The following RASL11B variants were observed in gnomAD, a reference collection of about 807,000 sequenced individuals.
RASL11B encodes the protein ras-like protein family member 11B.
A neutral mutation model predicts 22.9 loss-of-function variants in RASL11B; 14 were observed. The observed-to-expected ratio is 0.61, with a 90% confidence interval of 0.40 to 0.96. RASL11B has a LOEUF of 0.96. Among genes scored for constraint, RASL11B ranks in the 40% least tolerant of loss-of-function variants. The probability of loss-of-function intolerance (pLI) is 0.00; values close to 1 mark genes in which losing one functional copy is unlikely to be tolerated. For missense variants in RASL11B, 261 were observed against 322.0 expected (o/e 0.81, Z 1.45); for synonymous variants, 143 against 130.2 (o/e 1.10, Z -0.67).
Position 52,865,494 on chromosome 4 carries a change from C to T in RASL11B, c.436C>T (p.Pro146Ser). 1 of 1,614,238 alleles carries T rather than the reference C, an allele frequency of 6.2e-7. No individual in the cohort carries two copies. The highest frequency in any genetic ancestry group is 8.5e-7 in the Non-Finnish European group (1 of 1,180,046). Residue 146 changes from proline (P) to serine (S), a missense_variant, in exon 4 of 4, where the codon CCT (proline) becomes TCT (serine). Transcript: ENST00000248706. ...GCAGCTACACCTGGGCACCCGGCTG[C>T]CTGTGGTGGTCGTGGCCAACAAAGC... ...VQQLHLGTRL[P>S]VVVVANKADL... is the part of the protein sequence containing the mutation.
chr4:52,863,222 TA>T, intron 1 of RASL11B, 45 bp from the exon 2 acceptor site: 1 of 1,574,132 alleles, frequency 6.4e-7, no homozygotes, highest in Non-Finnish European at 8.7e-7. Context: ...GAGAACAATC[TA>T]ACTTCCAAGG....
At chr4:52,864,857 AT>A (rs1718228363) in intron 3 of RASL11B, among the ~76,000 whole-genome samples, 1 of 152,134 alleles carries the variant, frequency 6.6e-6, no homozygotes. Flanking sequence ...CAGTTTTAAT[AT>A]GTGTGTCTTT....
chr4:52,863,143 A>G (rs1364797697), intron 1 of RASL11B, 125 bp from the exon 2 acceptor site: 3 of 782,512 alleles, frequency 3.8e-6, no homozygotes, highest in African/African-American at 1.7e-5. Flanking sequence ...GCTACAGGGT[A>G]GGAATTTCAC....
intron 3 of RASL11B, 42 bp downstream of exon 3, chr4:52,864,596 G>T: frequency 7.6e-7 from 1 of 1,311,698 alleles, no homozygotes; most frequent in South Asian, 1.2e-5. Flanking sequence ...GAACCTACTT[G>T]GCTGTGGAAT....
At position 52,862,483 on chromosome 4, in the gene RASL11B, C is replaced by T; in HGVS notation, c.-25C>T. 1 of 1,600,190 alleles carries T rather than the reference C, an allele frequency of 6.2e-7. No individual in the cohort carries two copies. Among genetic ancestry groups the T allele is most frequent in the Non-Finnish European group, 8.5e-7 (1 of 1,174,846 alleles). On this transcript the variant is annotated 5_prime_UTR_variant, in exon 1 of 4. Coordinates refer to ENST00000248706, the MANE Select transcript of RASL11B (RefSeq NM_023940.3). ...ATTCTCCAGTCCCTCAGTCCCTTCCCGCGCGGTGCGCCGCAGCCGAGGCGA... is the reference window on the plus strand; with the variant it reads ...ATTCTCCAGTCCCTCAGTCCCTTCCTGCGCGGTGCGCCGCAGCCGAGGCGA...
intron 3 of RASL11B, 27 bp downstream of exon 3, chr4:52,864,581 A>G: frequency 1.4e-6 from 2 of 1,431,990 alleles, no homozygotes; most frequent in African/African-American, 2.8e-5. Flanking sequence ...CTCTGGGTGA[A>G]AGGGGAACCT....
chr4:52,863,247 G>GTTCTTTT, intron 1 of RASL11B, 21 bp from the exon 2 acceptor site: 1 of 1,610,972 alleles, frequency 6.2e-7, no homozygotes, highest in East Asian at 2.2e-5. Context: ...ACACTTTGAC[G>GTTCTTTT]TTCTTTTTTC....
Position 52,862,438 on chromosome 4 carries a change from C to A in RASL11B, c.-70C>A, listed in dbSNP as rs373135334. On this transcript the variant is annotated 5_prime_UTR_variant, in exon 1 of 4. Transcript: ENST00000248706. ...AGCCCCGCAGTCGGGTCCTCCCGCC[C>A]GCTCCCGCGCAGCGCTAGCATTCTC... The A allele has an allele frequency of 7.2e-5, 109 of 1,523,768 alleles. 1 individual carries two copies. In the East Asian group the frequency reaches 7.4e-4, roughly 10 times the overall value. The allele number at this position is 1,523,768 out of a possible 1,614,324, so 94.4% of individuals were successfully genotyped here. A position where few individuals can be genotyped will look rare whatever the true frequency, so the allele number is the denominator to read the frequency against.
rs748473552 is a variant in RASL11B at position 52,865,553 on chromosome 4, G to A, written c.495G>A (p.Gln165=). Residue 165 remains glutamine (Q), a synonymous_variant, in exon 4 of 4, where the codon CAG becomes CAA. Transcript: ENST00000248706. Reference sequence around the variant, plus strand: ...TGCACATCAAACAGGTTGACCCTCAGCTTGGACTGCAGCTAGCCAGCATGC... The same window carrying A: ...TGCACATCAAACAGGTTGACCCTCAACTTGGACTGCAGCTAGCCAGCATGC... ...DLLHIKQVDP[Q]LGLQLASMLG... 1 of 1,614,194 alleles carries A rather than the reference G, an allele frequency of 6.2e-7. No homozygotes were observed. Among genetic ancestry groups the A allele is most frequent in the Non-Finnish European group, 8.5e-7 (1 of 1,180,036 alleles).
rs377105457 is a variant in RASL11B at position 52,862,407 on chromosome 4, C to A, written c.-101C>A. ...ACTTATTTATTGTTGTTATTTCTTA[C>A]CGCGGAGCCCCGCAGTCGGGTCCTC... On this transcript the variant is annotated 5_prime_UTR_variant, in exon 1 of 4. Transcript: ENST00000248706. 517 of 591,048 alleles carry A rather than the reference C, an allele frequency of 8.7e-4. No individual in the cohort carries two copies. The highest frequency in any genetic ancestry group is 1.1e-3 in the Non-Finnish European group (404 of 373,156). The allele number at this position is 591,048 out of a possible 1,614,324, so 36.6% of individuals were successfully genotyped here.
chr4:52,862,489 G>GTGCGCCGCAGCCGAGGCGA lies in RASL11B; in HGVS notation c.-12_7dup. 1 of 1,600,346 alleles carries GTGCGCCGCAGCCGAGGCGA rather than the reference G, an allele frequency of 6.2e-7. No individual in the cohort carries two copies. The highest frequency in any genetic ancestry group is 8.5e-7 in the Non-Finnish European group (1 of 1,174,868). ...CAGTCCCTCAGTCCCTTCCCGCGCG[G>GTGCGCCGCAGCCGAGGCGA]TGCGCCGCAGCCGAGGCGATGCGCC... On this transcript the variant is annotated 5_prime_UTR_variant, in exon 1 of 4. The change creates a new upstream start codon in the 5' untranslated region. Transcript: ENST00000248706.
chr4:52,862,887 G>T (rs1718186262), intron 1 of RASL11B, among the ~76,000 whole-genome samples: 1 of 152,214 alleles, frequency 6.6e-6, no homozygotes. Flanking sequence ...CACCGGCACC[G>T]CCGCCATCAG....
intron 2 of RASL11B, chr4:52,863,644 CG>C: frequency 8.3e-6 from 2 of 242,220 alleles, no homozygotes; most frequent in Non-Finnish European, 1.6e-5. Flanking sequence ...CTGCAAAAGT[CG>C]TAAAAAAAAA....
Position 52,866,066 on chromosome 4 carries a change from G to A in RASL11B, c.*261G>A. On this transcript the variant is annotated 3_prime_UTR_variant, in exon 4 of 4. Transcript: ENST00000248706. Reference sequence around the variant, plus strand: ...CTCTGTGTCTTTTCCTTTAGAGTGGGGAGGGGGCATAATCGTTTCGGTTTC... The same window carrying A: ...CTCTGTGTCTTTTCCTTTAGAGTGGAGAGGGGGCATAATCGTTTCGGTTTC... 1 of 494,864 alleles carries A rather than the reference G, an allele frequency of 2.0e-6. No homozygotes were observed. The highest frequency in any genetic ancestry group is 3.6e-6 in the Non-Finnish European group (1 of 277,144). The allele number at this position is 494,864 out of a possible 1,614,324, so 30.7% of individuals were successfully genotyped here.
In RASL11B at chr4:52,862,800, C is replaced by G. The variant is rs919250367; in HGVS notation, c.142+151C>G. 8.7e-6 allele frequency: 8 copies of G among 917,218 alleles called. No individual in the cohort carries two copies. The Admixed American group carries it at 2.5e-4, about 29-fold the overall frequency. The allele number at this position is 917,218 out of a possible 1,614,324, so 56.8% of individuals were successfully genotyped here. A position where few individuals can be genotyped will look rare whatever the true frequency, so the allele number is the denominator to read the frequency against. ...GCTGCCCCTTGGGAGTGGGCTTAGC[C>G]GTTGTCTACGCCACCCGCCTGCTTC... is the stretch of plus-strand genomic sequence containing the variant. On this transcript the variant is annotated intron_variant, in intron 1 of 3. Coordinates refer to ENST00000248706, the MANE Select transcript of RASL11B (RefSeq NM_023940.3).
Position 52,866,147 on chromosome 4 carries a change from T to C in RASL11B, c.*342T>C, listed in dbSNP as rs976311403. ...GTTGCAGTTTCACCAAATGTATTGA[T>C]GTGATTTACAGTGGGAATGAAAGAA... On this transcript the variant is annotated 3_prime_UTR_variant, in exon 4 of 4. Transcript: ENST00000248706. 3.4e-6 allele frequency: 1 copy of C among 290,396 alleles called. No homozygotes were observed. The highest frequency in any genetic ancestry group is 2.1e-5 in the African/African-American group (1 of 46,768). 18.0% of individuals were successfully genotyped at this position (290,396 alleles called of 1,614,324 possible).
intron 1 of RASL11B, among the ~76,000 whole-genome samples, 200 bp downstream of exon 1, chr4:52,862,849 A>G (rs1338171249): frequency 6.6e-6 from 1 of 152,210 alleles, no homozygotes; most frequent in African/African-American, 2.4e-5. Flanking sequence ...AACAAGGATC[A>G]AGAATGGCCA....
At position 52,866,422 on chromosome 4, in the gene RASL11B, T is replaced by A. The variant is rs966351403; in HGVS notation, c.*617T>A. On this transcript the variant is annotated 3_prime_UTR_variant, in exon 4 of 4. Coordinates refer to ENST00000248706, the MANE Select transcript of RASL11B (RefSeq NM_023940.3). ...TGAGTTTATGGGCCAGAATATTTTG[T>A]ATACCAGACATTGGTAAGCTCTCAT... 6.5e-6 allele frequency: 1 copy of A among 153,014 alleles called. No homozygotes were observed. The highest frequency in any genetic ancestry group is 2.4e-5 in the African/African-American group (1 of 41,450). The allele number at this position is 153,014 out of a possible 1,614,324, so 9.5% of individuals were successfully genotyped here. A position where few individuals can be genotyped will look rare whatever the true frequency, so the allele number is the denominator to read the frequency against.
chr4:52,862,541 G>T lies in RASL11B; in HGVS notation c.34G>T (p.Glu12Ter), dbSNP rs897851657. 1 of 1,606,288 alleles carries T rather than the reference G, an allele frequency of 6.2e-7. No individual in the cohort carries two copies. The highest frequency in any genetic ancestry group is 8.5e-7 in the Non-Finnish European group (1 of 1,177,520). Reference sequence around the variant, plus strand: ...CATTCAGAACATGTGCACCATCGCCGAGTACCCCGCGCCGGGCAACGCCGC... The same window carrying T: ...CATTCAGAACATGTGCACCATCGCCTAGTACCCCGCGCCGGGCAACGCCGC... ...RLIQNMCTIA[E>*]YPAPGNAAAS... The change falls in exon 1 of 4, where the codon GAG becomes TAG. Residue 12 changes from glutamate (E) to a stop codon, truncating the protein, a stop_gained. Coordinates refer to ENST00000248706, the MANE Select transcript of RASL11B (RefSeq NM_023940.3). LOFTEE classifies it high-confidence loss of function.
Sources: gnomAD v4.1 joint callset for allele counts (sites outside exome capture counted in the v4.1 genomes callset) on GRCh38, gnomAD v4.1.1 for gene constraint, MANE v1.5 for transcripts, NCBI Gene and HGNC (gene_info 2026-07-23, HGNC 2026-07-21) for gene names.